ELOVL2: variants seen among roughly 807,000 people sequenced by gnomAD.
The protein encoded by ELOVL2 is ELOVL fatty acid elongase 2.
ELOVL2 carries 38 observed loss-of-function variants against 37.7 expected under a neutral mutation model. The observed-to-expected ratio is 1.01, with a 90% confidence interval of 0.78 to 1.32. ELOVL2 has a LOEUF of 1.32. ELOVL2 is among the 40% of genes most tolerant of loss of function. The pLI is 0.00. For missense variants in ELOVL2, 352 were observed against 363.6 expected (o/e 0.97, Z 0.26); for synonymous variants, 115 against 122.3 (o/e 0.94, Z 0.40).
At chr6:11,000,047 G>T (rs374036107) in intron 4 of ELOVL2, 40 bp downstream of exon 4, 12 of 1,580,714 alleles carry the variant, frequency 7.6e-6, no homozygotes, top group Non-Finnish European at 9.6e-6. Flanking sequence ...TTGTCAATGG[G>T]AACTGGTTAT....
Position 10,989,755 on chromosome 6 carries a change from T to G in ELOVL2, c.713A>C (p.Gln238Pro). 1 of 1,614,034 alleles carries G rather than the reference T, an allele frequency of 6.2e-7. No homozygotes were observed. Among genetic ancestry groups the G allele is most frequent in the Non-Finnish European group, 8.5e-7 (1 of 1,179,960 alleles). The change falls in exon 7 of 8, where the codon CAG (glutamine) becomes CCG (proline). Residue 238 changes from glutamine (Q) to proline (P), a missense_variant. Physicochemically the swap from Gln to Pro is moderately conservative, Grantham distance 76. Coordinates refer to ENST00000354666, the MANE Select transcript of ELOVL2 (RefSeq NM_017770.4). ...CGFPFGCLIF[Q>P]SSYMLTLVIL... ...GACTAACGTTAGCATATAAGATGACTGGAAGATGAGACAACCGAAGGGGAA... is the reference window on the plus strand; with the variant it reads ...GACTAACGTTAGCATATAAGATGACGGGAAGATGAGACAACCGAAGGGGAA...
chr6:11,002,038 A>T (rs996638596), intron 3 of ELOVL2, among the ~76,000 whole-genome samples: 2 of 152,184 alleles, frequency 1.3e-5, no homozygotes, highest in Admixed American at 1.3e-4. Flanking sequence ...TCTATGTAGG[A>T]GCTAGAGTGA....
rs1781928177 is a variant in ELOVL2, at chr6:10,981,154, TCA to T, written c.*2625_*2626del. 1 of 152,248 alleles carries T rather than the reference TCA, an allele frequency of 6.6e-6. No individual in the cohort carries two copies. The highest frequency in any genetic ancestry group is 2.1e-4 in the South Asian group (1 of 4,834). 9.4% of individuals were successfully genotyped at this position (152,248 alleles called of 1,614,324 possible). A position where few individuals can be genotyped will look rare whatever the true frequency, so the allele number is the denominator to read the frequency against. On this transcript the variant is annotated 3_prime_UTR_variant, in exon 8 of 8. Transcript: ENST00000354666. ...TGACAATTGCTATGTTTAATTCCAT[TCA>T]GTTAACATTCCATTTTGTTAGTTTA...
chr6:11,033,271 G>T (rs1782960245), intron 1 of ELOVL2, among the ~76,000 whole-genome samples: 1 of 152,158 alleles, frequency 6.6e-6, no homozygotes, highest in Admixed American at 6.5e-5. Context: ...AGTTAAAAAA[G>T]AAGTTATGTG....
chr6:11,027,160 G>A (rs1183269715), intron 1 of ELOVL2, among the ~76,000 whole-genome samples: 1 of 152,068 alleles, frequency 6.6e-6, no homozygotes, highest in Non-Finnish European at 1.5e-5. Context: ...TAAGCTTACT[G>A]TCTATGTTTT....
At chr6:10,986,159 T>C (rs929675954) in intron 7 of ELOVL2, among the ~76,000 whole-genome samples, 43 of 152,314 alleles carry the variant, frequency 2.8e-4, no homozygotes, top group African/African-American at 9.1e-4. Context: ...TGTCTGTTAT[T>C]GGTGTATAAG....
chr6:10,992,389 TAGAG>T (rs1409881810), intron 5 of ELOVL2, among the ~76,000 whole-genome samples: 18 of 151,682 alleles, frequency 1.2e-4, no homozygotes, highest in Admixed American at 1.2e-3. Context: ...CAGTATCAAA[TAGAG>T]AGTACTGTTC....
chr6:10,987,442 G>C (rs1782071781), intron 7 of ELOVL2, among the ~76,000 whole-genome samples: 1 of 152,090 alleles, frequency 6.6e-6, no homozygotes, highest in East Asian at 1.9e-4. Flanking sequence ...TGTGATGTTA[G>C]GGTGTCAATT....
At chr6:11,028,017 T>C (rs1433606664) in intron 1 of ELOVL2, among the ~76,000 whole-genome samples, 6 of 152,208 alleles carry the variant, frequency 3.9e-5, no homozygotes, top group Non-Finnish European at 7.3e-5. Flanking sequence ...TCTCTTGGTA[T>C]ACCCAATTCC....
chr6:11,005,741 A>C (rs1489741901), intron 2 of ELOVL2, among the ~76,000 whole-genome samples, 182 bp from the exon 3 acceptor site: 1 of 152,224 alleles, frequency 6.6e-6, no homozygotes, highest in Non-Finnish European at 1.5e-5. Context: ...TGAATCGGTA[A>C]AGGTTTCATG....
intron 1 of ELOVL2, 86 bp from the exon 2 acceptor site, chr6:11,010,895 AC>A: frequency 9.9e-7 from 1 of 1,005,672 alleles, no homozygotes; most frequent in Non-Finnish European, 1.5e-6. Flanking sequence ...ACAACATGTA[AC>A]TGACAGACTT....
chr6:11,018,893 G>A (rs1782723100), intron 1 of ELOVL2, among the ~76,000 whole-genome samples: 1 of 152,046 alleles, frequency 6.6e-6, no homozygotes. Context: ...AGTAATTAGT[G>A]GGCTATACAA....
intron 5 of ELOVL2, among the ~76,000 whole-genome samples, chr6:10,993,204 C>A (rs1232598988): frequency 6.6e-6 from 1 of 152,162 alleles, no homozygotes; most frequent in South Asian, 2.1e-4. Flanking sequence ...AAATAGGTAA[C>A]TTGAAAAAGT....
chr6:11,028,685 T>G (rs1454396147), intron 1 of ELOVL2, among the ~76,000 whole-genome samples: 1 of 152,014 alleles, frequency 6.6e-6, no homozygotes, highest in Non-Finnish European at 1.5e-5. Flanking sequence ...TTATAAAAAC[T>G]ACAAATGATA....
intron 1 of ELOVL2, among the ~76,000 whole-genome samples, chr6:11,043,024 G>T (rs766827108): frequency 6.6e-6 from 1 of 152,156 alleles, no homozygotes; most frequent in Non-Finnish European, 1.5e-5. Flanking sequence ...ACTAATACAT[G>T]CTCAAGAGAA....
chr6:10,984,696 T>C (rs1020641561), intron 7 of ELOVL2, among the ~76,000 whole-genome samples: 11 of 151,552 alleles, frequency 7.3e-5, no homozygotes, highest in African/African-American at 2.7e-4. Flanking sequence ...GAACTCATCA[T>C]TTTTTATGGC....
intron 7 of ELOVL2, among the ~76,000 whole-genome samples, 181 bp from the exon 8 acceptor site, chr6:10,984,087 C>T (rs546324256): frequency 8.5e-5 from 13 of 152,240 alleles, no homozygotes; most frequent in East Asian, 1.9e-4. Context: ...GCACGATCCC[C>T]GTTCACTGCG....
chr6:11,001,132 A>G (rs914109706), intron 3 of ELOVL2, among the ~76,000 whole-genome samples: 2 of 152,188 alleles, frequency 1.3e-5, no homozygotes, highest in African/African-American at 4.8e-5. Flanking sequence ...ATACATATAC[A>G]CAGCTGAGAG....
intron 1 of ELOVL2, among the ~76,000 whole-genome samples, chr6:11,029,444 TA>T (rs1314181282): frequency 6.6e-6 from 1 of 152,174 alleles, no homozygotes; most frequent in Admixed American, 6.5e-5. Flanking sequence ...TTCATACTTG[TA>T]AAAGCATCTA....
Sources: allele counts gnomAD v4.1 joint callset (sites outside exome capture counted in the v4.1 genomes callset), GRCh38; gene constraint gnomAD v4.1.1; transcripts MANE v1.5; gene names NCBI Gene and HGNC (gene_info 2026-07-23, HGNC 2026-07-21).